Variants in SH3BGR observed in about 807,000 individuals in gnomAD.
SH3BGR encodes SH3 domain-binding glutamic acid-rich protein.
SH3BGR carries 29 observed loss-of-function variants against 24.5 expected under a neutral mutation model. That is an observed-to-expected ratio of 1.18 (90% CI 0.88 to 1.61). The LOEUF (loss-of-function observed/expected upper bound fraction) is 1.61, where lower values mean the gene tolerates loss of function less well. SH3BGR is among the 40% of genes most tolerant of loss of function. SH3BGR has a pLI of 0.00. For missense variants in SH3BGR, 162 were observed against 205.8 expected, an observed-to-expected ratio of 0.79 and a Z score of 1.30; for synonymous variants, 55 against 65.7, an observed-to-expected ratio of 0.84 and a Z score of 0.79.
chr21:39,463,527 T>C (rs1329666335), intron 2 of SH3BGR, among the ~76,000 whole-genome samples: 1 of 152,238 alleles, frequency 6.6e-6, no homozygotes, highest in Non-Finnish European at 1.5e-5. Context: ...CTCAGCGCCA[T>C]GCGCCTGGGA....
chr21:39,451,800 C>G, upstream of SH3BGR: 2 of 1,234,996 alleles, frequency 1.6e-6, no homozygotes. Context: ...TGTTGTCGCG[C>G]GTTTAAAGTG....
chr21:39,488,480 G>C, intron 3 of SH3BGR: 1 of 278,470 alleles, frequency 3.6e-6, no homozygotes, highest in Non-Finnish European at 6.8e-6. Flanking sequence ...CCAGGTCCTG[G>C]GGGAACCTCA....
intron 6 of SH3BGR, among the ~76,000 whole-genome samples, chr21:39,514,303 A>G (rs1321906907): frequency 6.6e-6 from 1 of 152,222 alleles, no homozygotes; most frequent in Non-Finnish European, 1.5e-5. Context: ...GAATGGAACT[A>G]TGAAAGAATT....
chr21:39,483,778 T>A (rs2078167511), intron 3 of SH3BGR, among the ~76,000 whole-genome samples: 1 of 152,186 alleles, frequency 6.6e-6, no homozygotes, highest in African/African-American at 2.4e-5. Context: ...TAGTTAGATG[T>A]GAGCATTCTG....
chr21:39,479,819 A>G (rs1602117383), intron 3 of SH3BGR, among the ~76,000 whole-genome samples: 1 of 152,142 alleles, frequency 6.6e-6, no homozygotes, highest in Admixed American at 6.6e-5. Flanking sequence ...GGTTAAGTCA[A>G]TTATTACTCA....
At chr21:39,458,942 C>A (rs972825051) in intron 1 of SH3BGR, among the ~76,000 whole-genome samples, 4 of 152,210 alleles carry the variant, frequency 2.6e-5, no homozygotes, top group Admixed American at 2.6e-4. Flanking sequence ...CCACCGTACC[C>A]GGCCAAGTTT....
chr21:39,499,835 G>A lies in SH3BGR; in HGVS notation c.325G>A (p.Ala109Thr), dbSNP rs888957514. The change falls in exon 4 of 7, where the codon GCT (alanine) becomes ACT (threonine). Residue 109 changes from alanine to threonine, a missense_variant. Transcript: ENST00000333634. ...PPPDSKGSEK[A>T]EEGGETEAQK... ...CCTTTATGACCAGGGATCAGAGAAG[G>A]CTGAAGAAGGTGGAGAAACTGAGGC... 5.0e-6 allele frequency: 8 copies of A among 1,613,560 alleles called. No individual in the cohort carries two copies. The highest frequency in any genetic ancestry group is 4.0e-5 in the African/African-American group (3 of 74,870).
At chr21:39,486,254 A>G (rs564713288) in intron 3 of SH3BGR, among the ~76,000 whole-genome samples, 1 of 152,378 alleles carries the variant, frequency 6.6e-6, no homozygotes, top group East Asian at 1.9e-4. Flanking sequence ...CATAACAAGA[A>G]TAATATATTT....
upstream of SH3BGR, among the ~76,000 whole-genome samples, chr21:39,448,077 C>T (rs1421703895): frequency 6.6e-6 from 1 of 152,094 alleles, no homozygotes; most frequent in Non-Finnish European, 1.5e-5. Flanking sequence ...TTTCTGCTTC[C>T]ATCTTCACAG....
rs1173282236 is a variant in SH3BGR at position 39,471,907 on chromosome 21, ATTGT to A, written c.232-3226_232-3223del. Among the ~76,000 whole-genome samples the A allele has an allele frequency of 4.6e-5, 7 of 151,860 alleles. No individual in the cohort carries two copies. In the East Asian group the frequency reaches 9.6e-4, roughly 21 times the overall value. ...TTTGGTTCCTTTCTAAATTTGCTTGATTGTTCTCTCTAGGTATTTATTCTGTTTT... is the reference window on the plus strand; with the variant it reads ...TTTGGTTCCTTTCTAAATTTGCTTGATCTCTCTAGGTATTTATTCTGTTTT... On this transcript the variant is annotated intron_variant, in intron 2 of 6. Transcript: ENST00000333634.
chr21:39,451,860 C>G, upstream of SH3BGR: 1 of 1,591,012 alleles, frequency 6.3e-7, no homozygotes, highest in South Asian at 1.1e-5. Flanking sequence ...AAATATTTTC[C>G]TGACAGATCC....
chr21:39,461,825 A>T (rs1156810338), intron 1 of SH3BGR, among the ~76,000 whole-genome samples: 2 of 152,120 alleles, frequency 1.3e-5, no homozygotes, highest in African/African-American at 4.8e-5. Flanking sequence ...ACAGTTGATT[A>T]TACAATAATT....
chr21:39,463,366 G>C (rs146826220), intron 2 of SH3BGR, among the ~76,000 whole-genome samples: 2 of 152,198 alleles, frequency 1.3e-5, no homozygotes, highest in Admixed American at 1.3e-4. Context: ...AGAGTTTATA[G>C]ATCATACTTA....
At chr21:39,448,891 GC>G (rs1190052528), upstream of SH3BGR, among the ~76,000 whole-genome samples, 1 of 151,472 alleles carries the variant, frequency 6.6e-6, no homozygotes, top group Non-Finnish European at 1.5e-5. Flanking sequence ...CTCAGTATGC[GC>G]CCCCACCCCC....
intron 4 of SH3BGR, among the ~76,000 whole-genome samples, chr21:39,506,562 A>G (rs1246977174): frequency 1.3e-5 from 2 of 152,122 alleles, no homozygotes; most frequent in Non-Finnish European, 2.9e-5. Flanking sequence ...GCGAAGGAGG[A>G]GCAAAGCCAT....
chr21:39,457,476 T>TTA (rs996955634), intron 1 of SH3BGR, among the ~76,000 whole-genome samples: 1 of 145,122 alleles, frequency 6.9e-6, no homozygotes, highest in Non-Finnish European at 1.5e-5. Context: ...TATTATATAG[T>TTA]TATATATATA....
At chr21:39,492,083 T>C (rs569499705) in intron 3 of SH3BGR, among the ~76,000 whole-genome samples, 2 of 152,244 alleles carry the variant, frequency 1.3e-5, no homozygotes, top group Non-Finnish European at 2.9e-5. Flanking sequence ...GTATGTATTT[T>C]TTAAGTTTTT....
At chr21:39,497,039 C>G (rs1231284409) in intron 3 of SH3BGR, among the ~76,000 whole-genome samples, 1 of 151,934 alleles carries the variant, frequency 6.6e-6, no homozygotes, top group South Asian at 2.1e-4. Context: ...TGTGTAACAA[C>G]TTGACTTTCC....
In SH3BGR at chr21:39,499,926, G is replaced by A. The variant is rs372897586; in HGVS notation, c.405+11G>A. The A allele has an allele frequency of 1.1e-5, 17 of 1,589,248 alleles. No individual in the cohort carries two copies. The highest frequency in any genetic ancestry group is 8.1e-5 in the African/African-American group (6 of 74,386). ...GCCCAGGAGAAGAATGTGAGTTTTC[G>A]CTTTTTCACAGCAGTTTGACTGGAT... On this transcript the variant is annotated intron_variant, in intron 4 of 6. Coordinates refer to ENST00000333634, the MANE Select transcript of SH3BGR (RefSeq NM_007341.3).
Sources: gnomAD v4.1 joint callset for allele counts (sites outside exome capture counted in the v4.1 genomes callset) on GRCh38, gnomAD v4.1.1 for gene constraint, MANE v1.5 for transcripts, NCBI Gene and HGNC (gene_info 2026-07-23, HGNC 2026-07-21) for gene names.